FBXL13: variants seen among roughly 807,000 people sequenced by gnomAD.
The protein encoded by FBXL13 is F-box and leucine rich repeat protein 13.
FBXL13 carries 67 observed loss-of-function variants against 83.6 expected under a neutral mutation model. That is an observed-to-expected ratio of 0.80 (90% CI 0.66 to 0.98). The LOEUF is 0.98. FBXL13 is among the 50% of genes least tolerant of loss of function. FBXL13 has a pLI of 0.00. For synonymous variants in FBXL13, 272 were observed against 299.5 expected (o/e 0.91, Z 0.95); for missense variants, 822 against 866.5 (o/e 0.95, Z 0.64).
At chr7:102,834,080 GGAAA>G (rs1173022681) in intron 17 of FBXL13, among the ~76,000 whole-genome samples, 1,521 of 91,330 alleles carry the variant, frequency 0.017, 32 homozygotes, top group South Asian at 0.026. Flanking sequence ...AAGGAAGGAA[GGAAA>G]GAAAAGAAAG....
chr7:102,960,445 A>G (rs1246283365), intron 8 of FBXL13, among the ~76,000 whole-genome samples: 1 of 152,076 alleles, frequency 6.6e-6, no homozygotes, highest in Non-Finnish European at 1.5e-5. Context: ...AACTATTCCA[A>G]TCAATAGAAA....
At chr7:103,035,588 T>G (rs551511183) in intron 2 of FBXL13, among the ~76,000 whole-genome samples, 1 of 152,320 alleles carries the variant, frequency 6.6e-6, no homozygotes, top group South Asian at 2.1e-4. Flanking sequence ...ATCCATTTAC[T>G]ATATGTAAAA....
In FBXL13 at chr7:102,855,016, G is replaced by A. The variant is rs191991678; in HGVS notation, c.1636-156C>T. ...CATATTTCTTTACACTTAACAAATCGTAAGACCACTTAGATTAGGCAATGC... is the reference window on the plus strand; with the variant it reads ...CATATTTCTTTACACTTAACAAATCATAAGACCACTTAGATTAGGCAATGC... On this transcript the variant is annotated intron_variant, in intron 16 of 19. Transcript: ENST00000313221. Among the ~76,000 whole-genome samples, 5 of 152,048 alleles carry A rather than the reference G, an allele frequency of 3.3e-5. No homozygotes were observed. In the East Asian group the frequency reaches 5.8e-4, roughly 18 times the overall value.
chr7:102,989,936 T>C (rs1829388125), intron 6 of FBXL13, among the ~76,000 whole-genome samples: 1 of 152,214 alleles, frequency 6.6e-6, no homozygotes, highest in Non-Finnish European at 1.5e-5. Context: ...ACCTTCTAAC[T>C]TAATGTCTCA....
chr7:102,981,330 G>A (rs987282362), intron 6 of FBXL13, among the ~76,000 whole-genome samples: 8 of 151,954 alleles, frequency 5.3e-5, no homozygotes, highest in East Asian at 1.9e-4. Context: ...ATCTGGCTCC[G>A]AATTTCCTAA....
intron 6 of FBXL13, among the ~76,000 whole-genome samples, chr7:103,006,258 G>A (rs1470347428): frequency 6.6e-6 from 1 of 152,196 alleles, no homozygotes; most frequent in Non-Finnish European, 1.5e-5. Flanking sequence ...CAGAATAAGA[G>A]CTTGAGAAAT....
intron 5 of FBXL13, among the ~76,000 whole-genome samples, chr7:103,026,650 G>C (rs1368194421): frequency 1.3e-5 from 2 of 152,164 alleles, no homozygotes; most frequent in Non-Finnish European, 2.9e-5. Context: ...ACAGGCTCTA[G>C]CATTGTTTTA....
At chr7:102,894,744 A>AAG (rs545771189) in intron 11 of FBXL13, among the ~76,000 whole-genome samples, 1,688 of 150,778 alleles carry the variant, frequency 0.011, 34 homozygotes, top group African/African-American at 0.039. Context: ...AAAAAAAAAA[A>AAG]AGAGAGAGAG....
intron 16 of FBXL13, among the ~76,000 whole-genome samples, chr7:102,863,723 A>G (rs1289711407): frequency 6.6e-6 from 1 of 152,204 alleles, no homozygotes; most frequent in East Asian, 1.9e-4. Flanking sequence ...GAGATGTGCT[A>G]GTACTAGTAT....
At chr7:102,862,618 C>G (rs1452388382) in intron 16 of FBXL13, among the ~76,000 whole-genome samples, 1 of 152,152 alleles carries the variant, frequency 6.6e-6, no homozygotes, top group Non-Finnish European at 1.5e-5. Context: ...AATATTCAAG[C>G]AAAGTACTCA....
exon 11 of FBXL13, chr7:102,913,154 A>T: frequency 6.2e-7 from 1 of 1,614,194 alleles, no homozygotes; most frequent in Non-Finnish European, 8.5e-7. Flanking sequence ...AGGTACTGTA[A>T]GCCTTTGTCT....
At chr7:102,970,291 C>T (rs114344784) in intron 6 of FBXL13, among the ~76,000 whole-genome samples, 3,064 of 152,074 alleles carry the variant, frequency 0.02, 93 homozygotes, top group African/African-American at 0.07. Context: ...GAATTTGTAA[C>T]CATATTGACC....
In FBXL13 at chr7:102,875,792, G is replaced by A. The variant is rs1216712794; in HGVS notation, c.1635+1675C>T. On this transcript the variant is annotated intron_variant, in intron 16 of 19. Coordinates refer to ENST00000313221, the Ensembl canonical transcript of FBXL13. ...ACTGTCCCTATGCTGGAAGGACAAT[G>A]GGAAGATATGATGTTATTGAAGCCC... Among the ~76,000 whole-genome samples the A allele has an allele frequency of 3.3e-5, 5 of 152,132 alleles. No homozygotes were observed. In the East Asian group the frequency reaches 7.7e-4, roughly 23 times the overall value.
rs188042059 is a variant in FBXL13 at position 102,998,468 on chromosome 7, C to T, written c.495+26595G>A. ...TCTTCCTTCTAGTGACCTTTCACTT[C>T]TTTGGTTAAATTTATTCCTAGATAT... On this transcript the variant is annotated intron_variant, in intron 6 of 19. Transcript: ENST00000313221. Among the ~76,000 whole-genome samples the T allele has an allele frequency of 2.0e-5, 3 of 152,244 alleles. No individual in the cohort carries two copies. The South Asian group carries it at 6.2e-4, about 32-fold the overall frequency.
At chr7:103,018,960 G>A (rs1280144385) in intron 6 of FBXL13, among the ~76,000 whole-genome samples, 1 of 152,124 alleles carries the variant, frequency 6.6e-6, no homozygotes, top group Non-Finnish European at 1.5e-5. Context: ...ACTCAGCTCT[G>A]CACCAAGCAG....
At chr7:102,940,293 T>A (rs1821162028) in intron 8 of FBXL13, among the ~76,000 whole-genome samples, 1 of 151,386 alleles carries the variant, frequency 6.6e-6, no homozygotes, top group Admixed American at 6.6e-5. Context: ...CACTGCAAGC[T>A]CCGCCTCCCA....
chr7:102,865,949 G>C (rs1439091908), intron 16 of FBXL13, among the ~76,000 whole-genome samples: 1 of 152,172 alleles, frequency 6.6e-6, no homozygotes, highest in African/African-American at 2.4e-5. Flanking sequence ...TCGGTAGCTG[G>C]AACTACTAGT....
At position 102,963,575 on chromosome 7, in the gene FBXL13, A is replaced by AGCAC; in HGVS notation, c.681_682insGTGC (p.Phe228ValfsTer19). 6.8e-6 allele frequency: 11 copies of AGCAC among 1,613,112 alleles called. No homozygotes were observed. Among genetic ancestry groups the AGCAC allele is most frequent in the Non-Finnish European group, 9.3e-6 (11 of 1,179,718 alleles). ...TTGGGTCGGAGAAGACAACCACGAA[A>AGCAC]ATTCAAACGCAGCACATTTAAACGC... On this transcript the variant is annotated frameshift_variant, in exon 8 of 20. Transcript: ENST00000313221. LOFTEE classifies it high-confidence loss of function.
intron 6 of FBXL13, among the ~76,000 whole-genome samples, chr7:102,993,027 A>C (rs1829743252): frequency 6.6e-6 from 1 of 152,136 alleles, no homozygotes; most frequent in African/African-American, 2.4e-5. Context: ...GTTTTGTTTC[A>C]TTTGCTTTTT....
Sources: gnomAD v4.1 joint callset for allele counts (sites outside exome capture counted in the v4.1 genomes callset) on GRCh38, gnomAD v4.1.1 for gene constraint, MANE v1.5 for transcripts, NCBI Gene and HGNC (gene_info 2026-07-23, HGNC 2026-07-21) for gene names.